SH3RF3: variants seen among roughly 807,000 people sequenced by gnomAD.
The protein encoded by SH3RF3 is SH3 domain containing ring finger 3, also known as E3 ubiquitin-protein ligase SH3RF3.
SH3RF3 carries 29 observed loss-of-function variants against 66.3 expected under a neutral mutation model. The ratio of observed to expected loss-of-function variants is 0.44; its 90% CI spans 0.33 to 0.60. SH3RF3 has a LOEUF of 0.60. Ranked by LOEUF, SH3RF3 falls within the 20% of genes least tolerant of loss-of-function variation. The pLI is 0.04. For missense variants in SH3RF3, 1,194 were observed against 1,190.9 expected (o/e 1.00, Z -0.04); for synonymous variants, 583 against 532.0 (o/e 1.10, Z -1.32).
intron 4 of SH3RF3, among the ~76,000 whole-genome samples, chr2:109,410,429 G>A (rs138318760): frequency 1.4e-4 from 22 of 152,318 alleles, no homozygotes; most frequent in African/African-American, 4.3e-4. Flanking sequence ...CTGCAGCTCC[G>A]TGCACCCAGG....
At chr2:109,358,160 G>A (rs561389508) in intron 2 of SH3RF3, among the ~76,000 whole-genome samples, 61 of 152,226 alleles carry the variant, frequency 4.0e-4, no homozygotes, top group African/African-American at 1.3e-3. Flanking sequence ...TAGCCTTTTC[G>A]TAATGGTTGC....
At chr2:109,369,622 G>GC (rs1683223040) in intron 2 of SH3RF3, among the ~76,000 whole-genome samples, 1 of 152,174 alleles carries the variant, frequency 6.6e-6, no homozygotes, top group South Asian at 2.1e-4. Flanking sequence ...GCCTCTGGTG[G>GC]CCCCCACGCT....
At chr2:109,412,922 G>A (rs1214533178) in intron 4 of SH3RF3, among the ~76,000 whole-genome samples, 1 of 152,166 alleles carries the variant, frequency 6.6e-6, no homozygotes, top group Non-Finnish European at 1.5e-5. Context: ...TTTCCACTCT[G>A]CATACCCTAC....
intron 1 of SH3RF3, among the ~76,000 whole-genome samples, chr2:109,241,891 G>T (rs534321149): frequency 3.3e-5 from 5 of 151,540 alleles, no homozygotes; most frequent in African/African-American, 1.2e-4. Flanking sequence ...TCAGCCTCCC[G>T]AGTAGCTGGG....
intron 1 of SH3RF3, among the ~76,000 whole-genome samples, chr2:109,293,966 G>T (rs1007769869): frequency 1.3e-5 from 2 of 152,178 alleles, no homozygotes; most frequent in African/African-American, 4.8e-5. Flanking sequence ...GCTTCCCTGG[G>T]TGGGGGTCTA....
At chr2:109,435,787 C>G (rs950722898) in intron 6 of SH3RF3, among the ~76,000 whole-genome samples, 1 of 152,164 alleles carries the variant, frequency 6.6e-6, no homozygotes, top group African/African-American at 2.4e-5. Context: ...AAATGATTTC[C>G]TCGGGGAAAA....
chr2:109,364,910 G>A (rs1316632369), intron 2 of SH3RF3, among the ~76,000 whole-genome samples: 1 of 152,168 alleles, frequency 6.6e-6, no homozygotes. Context: ...GGCCAACATG[G>A]TGAAACCTTG....
Position 109,501,675 on chromosome 2 carries a change from C to T in SH3RF3, c.*4C>T. 1 of 755,446 alleles carries T rather than the reference C, an allele frequency of 1.3e-6. No homozygotes were observed. Among genetic ancestry groups the T allele is most frequent in the Non-Finnish European group, 2.5e-6 (1 of 406,220 alleles). 46.8% of individuals were successfully genotyped at this position (755,446 alleles called of 1,614,324 possible). A position where few individuals can be genotyped will look rare whatever the true frequency, so the allele number is the denominator to read the frequency against. On this transcript the variant is annotated 3_prime_UTR_variant, in exon 10 of 10. Transcript: ENST00000309415. ...CAGCTTCGTCGAGAGCTTCTGAGAACTGGTGCTCCCTGCACCCAGCTCACA... is the reference window on the plus strand; with the variant it reads ...CAGCTTCGTCGAGAGCTTCTGAGAATTGGTGCTCCCTGCACCCAGCTCACA...
chr2:109,135,513 C>T (rs1026081386), intron 1 of SH3RF3, among the ~76,000 whole-genome samples: 2 of 152,192 alleles, frequency 1.3e-5, no homozygotes, highest in East Asian at 1.9e-4. Flanking sequence ...GATTGGCTGT[C>T]GTTTCAGTGC....
chr2:109,430,095 G>C (rs568307684), intron 5 of SH3RF3, among the ~76,000 whole-genome samples: 3 of 152,152 alleles, frequency 2.0e-5, no homozygotes, highest in African/African-American at 7.2e-5. Flanking sequence ...AGCCTGCCTT[G>C]GCAGCTGATG....
At chr2:109,207,404 T>C (rs556773220) in intron 1 of SH3RF3, among the ~76,000 whole-genome samples, 1 of 152,302 alleles carries the variant, frequency 6.6e-6, no homozygotes, top group Admixed American at 6.5e-5. Flanking sequence ...TAAGAAAAAG[T>C]GACAGGCAAG....
At chr2:109,173,755 A>G (rs1677856033) in intron 1 of SH3RF3, among the ~76,000 whole-genome samples, 1 of 152,200 alleles carries the variant, frequency 6.6e-6, no homozygotes, top group Non-Finnish European at 1.5e-5. Context: ...GGACTGTGGT[A>G]GCCTGCCTGT....
chr2:109,480,902 T>A (rs115743948), intron 8 of SH3RF3, among the ~76,000 whole-genome samples: 327 of 152,240 alleles, frequency 2.1e-3, no homozygotes, highest in African/African-American at 7.4e-3. Flanking sequence ...GGTTTCTGTC[T>A]TAAAAGAATG....
At chr2:109,182,865 A>G (rs796203011) in intron 1 of SH3RF3, among the ~76,000 whole-genome samples, 1 of 152,236 alleles carries the variant, frequency 6.6e-6, no homozygotes, top group Non-Finnish European at 1.5e-5. Flanking sequence ...TTCCATATGC[A>G]TATTGCCATA....
chr2:109,471,714 C>T (rs1485825473), intron 8 of SH3RF3, among the ~76,000 whole-genome samples: 1 of 152,212 alleles, frequency 6.6e-6, no homozygotes, highest in African/African-American at 2.4e-5. Context: ...CACTCACCCC[C>T]TTGCTGTCTC....
Position 109,341,869 on chromosome 2 carries a change from A to G in SH3RF3, c.574-5805A>G, listed in dbSNP as rs918218166. ...GGGCTGCCTGCAGGCAAGGCTGGAAAATGAAGGCTTCTGCTGGAAGCTTGA... is the reference window on the plus strand; with the variant it reads ...GGGCTGCCTGCAGGCAAGGCTGGAAGATGAAGGCTTCTGCTGGAAGCTTGA... On this transcript the variant is annotated intron_variant, in intron 1 of 9. Coordinates refer to ENST00000309415, the MANE Select transcript of SH3RF3 (RefSeq NM_001099289.3). 6.6e-5 allele frequency among the ~76,000 whole-genome samples: 10 copies of G among 152,358 alleles called. 1 individual carries two copies. Among genetic ancestry groups the G allele is most frequent in the African/African-American group, 2.4e-4 (10 of 41,580 alleles).
intron 8 of SH3RF3, among the ~76,000 whole-genome samples, chr2:109,472,803 C>A (rs1488530409): frequency 6.6e-6 from 1 of 152,148 alleles, no homozygotes. Context: ...AGCCAGACGC[C>A]CGTTGGAAAT....
At chr2:109,272,035 T>C (rs1465547769) in intron 1 of SH3RF3, among the ~76,000 whole-genome samples, 1 of 152,170 alleles carries the variant, frequency 6.6e-6, no homozygotes, top group African/African-American at 2.4e-5. Context: ...CTGAGTGACA[T>C]TGGGGTGCTG....
chr2:109,433,907 G>T (rs1186487194), intron 6 of SH3RF3, among the ~76,000 whole-genome samples: 1 of 152,222 alleles, frequency 6.6e-6, no homozygotes, highest in Non-Finnish European at 1.5e-5. Flanking sequence ...CAGCCACCTG[G>T]TCAGAGGGGT....
Sources: gnomAD v4.1 joint callset for allele counts (sites outside exome capture counted in the v4.1 genomes callset) on GRCh38, gnomAD v4.1.1 for gene constraint, MANE v1.5 for transcripts, NCBI Gene and HGNC (gene_info 2026-07-23, HGNC 2026-07-21) for gene names.